Variants in RABEPK observed in about 807,000 individuals in gnomAD.
The protein encoded by RABEPK is Rab9 effector protein with kelch motifs, also known as 40 kDa Rab9 effector protein.
Under a neutral mutation model 34.1 loss-of-function variants are expected in RABEPK, and 27 were observed. That is an observed-to-expected ratio of 0.79 (90% confidence interval 0.58 to 1.09). The LOEUF is 1.09. Among genes scored for constraint, RABEPK ranks in the 50% least tolerant of loss-of-function variants. RABEPK has a pLI of 0.00. For synonymous variants in RABEPK, 172 were observed against 169.2 expected (o/e 1.02, Z -0.13); for missense variants, 449 against 462.6 (o/e 0.97, Z 0.27).
At chr9:125,222,437 A>T (rs1463850933) in intron 5 of RABEPK, 3 of 151,680 alleles carry the variant, frequency 2.0e-5, no homozygotes, top group Admixed American at 6.6e-5. Flanking sequence ...TTCAAACCAG[A>T]TGTGGTGGCT....
At chr9:125,212,810 C>T (rs748355714) in intron 3 of RABEPK, among the ~76,000 whole-genome samples, 11 of 151,998 alleles carry the variant, frequency 7.2e-5, no homozygotes, top group Non-Finnish European at 1.5e-4. Flanking sequence ...GCTGGGACTA[C>T]AGGCACGTGC....
At chr9:125,215,964 T>A (rs1830904783) in intron 4 of RABEPK, among the ~76,000 whole-genome samples, 1 of 152,198 alleles carries the variant, frequency 6.6e-6, no homozygotes, top group Admixed American at 6.6e-5. Context: ...TAAACATTGC[T>A]AATTTGATAG....
intron 2 of RABEPK, among the ~76,000 whole-genome samples, chr9:125,205,910 T>C (rs921354836): frequency 6.6e-6 from 1 of 151,274 alleles, no homozygotes; most frequent in African/African-American, 2.4e-5. Flanking sequence ...CAGATAACAT[T>C]AATCAGGTAA....
chr9:125,223,807 G>A (rs1223961740), intron 5 of RABEPK, among the ~76,000 whole-genome samples: 3 of 151,616 alleles, frequency 2.0e-5, no homozygotes, highest in Non-Finnish European at 4.4e-5. Flanking sequence ...TAAATTCCTT[G>A]GGACACTGGG....
chr9:125,220,450 T>TTTGGAAAC, intron 4 of RABEPK, 89 bp from the exon 5 acceptor site: 1 of 1,518,466 alleles, frequency 6.6e-7, no homozygotes, highest in Non-Finnish European at 8.8e-7. Context: ...GGGATTGGAG[T>TTTGGAAAC]TTGGAAACTG....
chr9:125,230,546 T>TTG (rs1284161674), intron 6 of RABEPK, among the ~76,000 whole-genome samples: 1 of 151,278 alleles, frequency 6.6e-6, no homozygotes, highest in Non-Finnish European at 1.5e-5. Context: ...CTATTTTTTT[T>TTG]TTTTTTTGAG....
At chr9:125,210,283 G>T (rs892204890) in intron 3 of RABEPK, among the ~76,000 whole-genome samples, 33 of 150,144 alleles carry the variant, frequency 2.2e-4, no homozygotes, top group Admixed American at 1.1e-3. Flanking sequence ...GGCACCTATA[G>T]TCCCAGCTAC....
intron 2 of RABEPK, among the ~76,000 whole-genome samples, chr9:125,204,802 G>A (rs1460310672): frequency 6.6e-6 from 1 of 152,002 alleles, no homozygotes; most frequent in African/African-American, 2.4e-5. Flanking sequence ...TCCACTTTTT[G>A]TCCCTCTCTT....
intron 5 of RABEPK, among the ~76,000 whole-genome samples, chr9:125,225,099 A>G (rs984250303): frequency 1.3e-5 from 2 of 151,994 alleles, no homozygotes; most frequent in African/African-American, 4.8e-5. Context: ...AAAAATAATA[A>G]TAAGACTGGG....
In RABEPK at chr9:125,200,601, G is replaced by A. The variant is rs751001599; in HGVS notation, c.-312G>A. 4.5e-6 allele frequency: 2 copies of A among 449,262 alleles called. 1 individual carries two copies. The highest frequency in any genetic ancestry group is 3.2e-5 in the South Asian group (2 of 62,062). 27.8% of individuals were successfully genotyped at this position (449,262 alleles called of 1,614,324 possible). The stretch of plus-strand genomic sequence containing the variant: ...AGGTATTGCAGTCCGGGGCTGGAGG[G>A]TAGGGGCGAGGGTCCCCGGATACCG... On this transcript the variant is annotated 5_prime_UTR_variant, in exon 1 of 8. Transcript: ENST00000373538.
At chr9:125,214,388 A>G (rs1409845871) in intron 4 of RABEPK, among the ~76,000 whole-genome samples, 1 of 152,172 alleles carries the variant, frequency 6.6e-6, no homozygotes, top group African/African-American at 2.4e-5. Context: ...ACAGGGAAGA[A>G]TTGTCTGGTC....
At chr9:125,231,379 G>C (rs144105968) in intron 6 of RABEPK, among the ~76,000 whole-genome samples, 1 of 152,212 alleles carries the variant, frequency 6.6e-6, no homozygotes, top group Admixed American at 6.5e-5. Context: ...GCACATTATC[G>C]TGTAGAGATT....
chr9:125,218,321 C>CAAAAAAAAA lies in RABEPK; in HGVS notation c.365-2199_365-2191dup, dbSNP rs71374234. Among the ~76,000 whole-genome samples, 24 of 41,168 alleles carry CAAAAAAAAA rather than the reference C, an allele frequency of 5.8e-4. 3 individuals carry two copies. Among genetic ancestry groups the CAAAAAAAAA allele is most frequent in the East Asian group, 8.2e-4 (1 of 1,226 alleles). The allele number at this position is 41,168 out of a possible 152,430, so 27.0% of individuals were successfully genotyped here. A position where few individuals can be genotyped will look rare whatever the true frequency, so the allele number is the denominator to read the frequency against. On this transcript the variant is annotated intron_variant, in intron 4 of 7. Transcript: ENST00000373538. ...TGGGAGCCACAGCGAGACTCCGTCT[C>CAAAAAAAAA]AAAAAAAAAAAAAAAAAAAAAAAAA...
At chr9:125,213,654 C>A in intron 4 of RABEPK, 132 bp downstream of exon 4, 1 of 798,924 alleles carries the variant, frequency 1.3e-6, no homozygotes, top group Non-Finnish European at 1.9e-6. Flanking sequence ...ACTTTGCTGA[C>A]ATAGAAAATA....
At chr9:125,228,835 C>G (rs953210993) in intron 6 of RABEPK, among the ~76,000 whole-genome samples, 1 of 149,838 alleles carries the variant, frequency 6.7e-6, no homozygotes, top group Non-Finnish European at 1.5e-5. Context: ...TGGTGGCACT[C>G]GCCTCTAGTC....
rs1832275351 is a variant in RABEPK at position 125,232,581 on chromosome 9, T to G, written c.677-15T>G. On this transcript the variant is annotated splice_polypyrimidine_tract_variant and intron_variant, in intron 6 of 7. Transcript: ENST00000373538. ...TAGCCCATGCTGCGCCAAAGCTCTT[T>G]CTTTCTCTTGGCAGGTGACATGAAA... 3 of 1,606,840 alleles carry G rather than the reference T, an allele frequency of 1.9e-6. No homozygotes were observed. In the Admixed American group the frequency reaches 5.1e-5, roughly 27 times the overall value.
chr9:125,207,669 TGGG>T lies in RABEPK; in HGVS notation c.162_164del (p.Gly55del). 1 of 1,614,144 alleles carries T rather than the reference TGGG, an allele frequency of 6.2e-7. No individual in the cohort carries two copies. The highest frequency in any genetic ancestry group is 8.5e-7 in the Non-Finnish European group (1 of 1,180,006). ...CCAAGAGAGGGAAGGTCTTCATTGT[TGGG>T]GGAGCAAATCCAAACAGAAGCTTCT... On this transcript the variant is annotated inframe_deletion, in exon 3 of 8. Transcript: ENST00000373538.
chr9:125,200,617 C>T lies in RABEPK; in HGVS notation c.-296C>T, dbSNP rs1284805957. The T allele has an allele frequency of 6.5e-6, 3 of 460,346 alleles. No individual in the cohort carries two copies. Among genetic ancestry groups the T allele is most frequent in the Admixed American group, 2.4e-5 (1 of 42,052 alleles). 28.5% of individuals were successfully genotyped at this position (460,346 alleles called of 1,614,324 possible). A position where few individuals can be genotyped will look rare whatever the true frequency, so the allele number is the denominator to read the frequency against. On this transcript the variant is annotated 5_prime_UTR_variant, in exon 1 of 8. Transcript: ENST00000373538. The stretch of plus-strand genomic sequence containing the variant: ...GGCTGGAGGGTAGGGGCGAGGGTCC[C>T]CGGATACCGGGTCTATCACGGTCTC...
At chr9:125,212,313 G>A (rs189187862) in intron 3 of RABEPK, among the ~76,000 whole-genome samples, 345 of 152,230 alleles carry the variant, frequency 2.3e-3, no homozygotes, top group South Asian at 7.5e-3. Context: ...TCCACCTCCC[G>A]GGTTAATGCC....
Sources: gnomAD v4.1 joint callset for allele counts (sites outside exome capture counted in the v4.1 genomes callset) on GRCh38, gnomAD v4.1.1 for gene constraint, MANE v1.5 for transcripts, NCBI Gene and HGNC (gene_info 2026-07-23, HGNC 2026-07-21) for gene names.